The following DAG1 variants were observed in gnomAD, a reference collection of about 807,000 sequenced individuals.
DAG1 encodes dystroglycan 1 (dystrophin-associated glycoprotein 1).
In DAG1, 8 loss-of-function variants were observed where a neutral mutation model predicts 46.1. The ratio of observed to expected loss-of-function variants is 0.17; its 90% CI spans 0.10 to 0.31. DAG1 has a LOEUF of 0.31. Ranked by LOEUF, DAG1 falls within the 10% of genes least tolerant of loss-of-function variation. The pLI is 1.00. For synonymous variants in DAG1, 495 were observed against 481.8 expected, an observed-to-expected ratio of 1.03 and a Z score of -0.36; for missense variants, 1,003 against 1,189.9, an observed-to-expected ratio of 0.84 and a Z score of 2.31.
intron 2 of DAG1, among the ~76,000 whole-genome samples, chr3:49,513,984 T>G (rs2050828400): frequency 6.6e-6 from 1 of 152,160 alleles, no homozygotes; most frequent in Non-Finnish European, 1.5e-5. Context: ...AAACTAGATA[T>G]TTGTTGTATT....
At chr3:49,482,372 C>T (rs925386634) in intron 1 of DAG1, among the ~76,000 whole-genome samples, 8 of 152,160 alleles carry the variant, frequency 5.3e-5, no homozygotes, top group African/African-American at 1.9e-4. Flanking sequence ...AAGCCGCTTG[C>T]AGTTGAGATA....
chr3:49,500,132 C>T (rs1433619879), intron 1 of DAG1, among the ~76,000 whole-genome samples: 1 of 95,630 alleles, frequency 1.0e-5, no homozygotes, highest in Non-Finnish European at 2.2e-5. Flanking sequence ...CCTGTCTCAG[C>T]CTCCCGAGTA....
Position 49,531,334 on chromosome 3 carries a change from C to T in DAG1, c.823C>T (p.His275Tyr). 1 of 1,614,206 alleles carries T rather than the reference C, an allele frequency of 6.2e-7. No individual in the cohort carries two copies. The highest frequency in any genetic ancestry group is 8.5e-7 in the Non-Finnish European group (1 of 1,180,038). Reference protein sequence around the residue: ...SLNQNSVPDIHGVEAPAREGA... With the variant: ...SLNQNSVPDIYGVEAPAREGA... ...GAACCAGAACAGTGTGCCTGACATTCATGGTGTAGAGGCCCCTGCCAGGGA... is the reference window on the plus strand; with the variant it reads ...GAACCAGAACAGTGTGCCTGACATTTATGGTGTAGAGGCCCCTGCCAGGGA... The change falls in exon 3 of 3, where the codon CAT becomes TAT. Residue 275 changes from histidine (H) to tyrosine (Y), a missense_variant. His to Tyr is a moderately conservative substitution (Grantham distance 83). Coordinates refer to ENST00000308775, the MANE Select transcript of DAG1 (RefSeq NM_004393.6). The surrounding 1 kb of genome is among the most constrained non-coding windows in gnomAD (Gnocchi z 7.0).
chr3:49,510,279 G>A, intron 1 of DAG1, 140 bp from the exon 2 acceptor site: 1 of 574,246 alleles, frequency 1.7e-6, no homozygotes, highest in East Asian at 2.8e-5. Context: ...GAAACTGTTG[G>A]TTTCTGTATA....
chr3:49,529,092 C>A (rs1307952570), intron 2 of DAG1, among the ~76,000 whole-genome samples: 1 of 152,140 alleles, frequency 6.6e-6, no homozygotes, highest in African/African-American at 2.4e-5. Context: ...CTCAGGTGAT[C>A]TGCCCACCTT....
intron 1 of DAG1, among the ~76,000 whole-genome samples, chr3:49,477,445 C>G (rs2049714220): frequency 6.6e-6 from 1 of 152,300 alleles, no homozygotes; most frequent in Admixed American, 6.5e-5. Flanking sequence ...GGGCATGTCA[C>G]CATGCCCGGC....
rs534258127 is a variant in DAG1, at chr3:49,506,281, A to G, written c.-116-4138A>G. 5.3e-5 allele frequency among the ~76,000 whole-genome samples: 8 copies of G among 152,294 alleles called. No homozygotes were observed. The South Asian group carries it at 6.2e-4, about 12-fold the overall frequency. Reference sequence around the variant, plus strand: ...GCGTGGGCCACTGCGCCTGGCCACTATACTTTTTTTCTCACTTTATTGCAC... The same window carrying G: ...GCGTGGGCCACTGCGCCTGGCCACTGTACTTTTTTTCTCACTTTATTGCAC... On this transcript the variant is annotated intron_variant, in intron 1 of 2. Transcript: ENST00000308775.
At position 49,498,097 on chromosome 3, in the gene DAG1, C is replaced by T. The variant is rs182332113; in HGVS notation, c.-116-12322C>T. 2.8e-3 allele frequency among the ~76,000 whole-genome samples: 431 copies of T among 152,248 alleles called. 1 individual carries two copies. Among genetic ancestry groups the T allele is most frequent in the Non-Finnish European group, 4.7e-3 (323 of 68,004 alleles). On this transcript the variant is annotated intron_variant, in intron 1 of 2. Transcript: ENST00000308775. ...GCCTCTCAGGGGTGGTATTTTTTCT[C>T]CCACGTATTTTTACCTTTAAATCTC...
In DAG1 at chr3:49,533,389, CTT is replaced by C. The variant is rs1306515107; in HGVS notation, c.*192_*193del. ...CCAAACCCCAAAGCAGCTGGAGAGA[CTT>C]TGGGGACTTTTTTATTTTTATTTTT... On this transcript the variant is annotated 3_prime_UTR_variant, in exon 3 of 3. Coordinates refer to ENST00000308775, the MANE Select transcript of DAG1 (RefSeq NM_004393.6). 3.2e-5 allele frequency: 27 copies of C among 838,034 alleles called. No homozygotes were observed. In the Admixed American group the frequency reaches 4.8e-4, roughly 15 times the overall value. The allele number at this position is 838,034 out of a possible 1,614,324, so 51.9% of individuals were successfully genotyped here.
At chr3:49,495,513 G>A (rs534757679) in intron 1 of DAG1, among the ~76,000 whole-genome samples, 7 of 152,168 alleles carry the variant, frequency 4.6e-5, no homozygotes, top group South Asian at 4.1e-4. Flanking sequence ...GATGCAACGC[G>A]GGTGCAAGGG....
rs765279020 is a variant in DAG1, at chr3:49,531,764, C to T, written c.1253C>T (p.Thr418Ile). The change falls in exon 3 of 3, where the codon ACC becomes ATC. Residue 418 changes from threonine to isoleucine, a missense_variant. Physicochemically the swap from Thr to Ile is moderately conservative, Grantham distance 89. This residue lies in a region of DAG1 where 755 missense variants were observed against 854.1 expected (regional missense o/e 0.88). Transcript: ENST00000308775. The surrounding 1 kb of genome is among the most constrained non-coding windows in gnomAD (Gnocchi z 7.0). ...PGYVEPTAVATPPTTTTKKPR... is the reference protein window; with the variant it reads ...PGYVEPTAVAIPPTTTTKKPR... ...TATGTGGAGCCTACTGCAGTTGCTA[C>T]CCCTCCCACAACCACCACCAAGAAG... 1.2e-6 allele frequency: 2 copies of T among 1,614,036 alleles called. No homozygotes were observed. Among genetic ancestry groups the T allele is most frequent in the Non-Finnish European group, 1.7e-6 (2 of 1,180,010 alleles).
chr3:49,525,577 A>T (rs1481486160), intron 2 of DAG1, among the ~76,000 whole-genome samples: 10 of 134,962 alleles, frequency 7.4e-5, no homozygotes, highest in African/African-American at 1.1e-4. Context: ...TTTTTTTTTG[A>T]GACGGAATCT....
chr3:49,514,334 GA>G (rs2050837260), intron 2 of DAG1, among the ~76,000 whole-genome samples: 1 of 151,776 alleles, frequency 6.6e-6, no homozygotes, highest in Non-Finnish European at 1.5e-5. Flanking sequence ...TATAGAAAGG[GA>G]AAAAAAATCT....
At chr3:49,502,633 ACTTT>A (rs1325855076) in intron 1 of DAG1, among the ~76,000 whole-genome samples, 8 of 137,930 alleles carry the variant, frequency 5.8e-5, no homozygotes, top group Non-Finnish European at 1.2e-4. Context: ...GACATCTTTA[ACTTT>A]CTTTTTTTTT....
chr3:49,489,272 A>G (rs1485809115), intron 1 of DAG1, among the ~76,000 whole-genome samples: 2 of 152,046 alleles, frequency 1.3e-5, no homozygotes, highest in Non-Finnish European at 2.9e-5. Context: ...TTGTATTTTC[A>G]GTAGAAAAGG....
chr3:49,521,910 C>T (rs1228716763), intron 2 of DAG1, among the ~76,000 whole-genome samples: 2 of 151,678 alleles, frequency 1.3e-5, no homozygotes, highest in Non-Finnish European at 2.9e-5. Flanking sequence ...AGTGCGGTGG[C>T]ACGATCTTGG....
intron 1 of DAG1, among the ~76,000 whole-genome samples, chr3:49,503,425 A>AAAC (rs2050510586): frequency 1.3e-5 from 2 of 151,984 alleles, no homozygotes; most frequent in East Asian, 1.9e-4. Context: ...TTATTGTTTT[A>AAAC]GGTTGCTTGA....
chr3:49,514,558 C>T (rs2050844127), intron 2 of DAG1, among the ~76,000 whole-genome samples: 1 of 152,112 alleles, frequency 6.6e-6, no homozygotes. Context: ...GCAACCTCCA[C>T]CTCCCGGGTT....
At chr3:49,527,210 T>C (rs934158566) in intron 2 of DAG1, among the ~76,000 whole-genome samples, 18 of 150,486 alleles carry the variant, frequency 1.2e-4, no homozygotes, top group Admixed American at 5.3e-4. Flanking sequence ...GCTAACACAG[T>C]GAAACCCCGT....
Sources: allele counts gnomAD v4.1 joint callset (sites outside exome capture counted in the v4.1 genomes callset), GRCh38; gene constraint gnomAD v4.1.1; regional missense constraint gnomAD v4.1.1; non-coding constraint Gnocchi (gnomAD v3.1); transcripts MANE v1.5; gene names NCBI Gene and HGNC (gene_info 2026-07-23, HGNC 2026-07-21).